Variants in KLK8 observed in about 807,000 individuals in gnomAD.
KLK8 encodes the protein kallikrein-8.
Under a neutral mutation model 26.7 loss-of-function variants are expected in KLK8, and 18 were observed. The ratio of observed to expected loss-of-function variants is 0.67; its 90% confidence interval spans 0.47 to 1.00. The LOEUF is 1.00. KLK8 is among the 50% of genes least tolerant of loss of function. The pLI, the probability that KLK8 is intolerant of heterozygous loss-of-function variation, is 0.00. For missense variants in KLK8, 301 were observed against 331.7 expected (o/e 0.91, Z 0.72); for synonymous variants, 137 against 127.1 (o/e 1.08, Z -0.52).
At position 50,998,469 on chromosome 19, in the gene KLK8, G is replaced by A. The variant is rs56203701; in HGVS notation, c.494-585C>T. 9.9e-4 allele frequency among the ~76,000 whole-genome samples: 151 copies of A among 152,308 alleles called. 1 individual carries two copies. Among genetic ancestry groups the A allele is most frequent in the African/African-American group, 2.9e-3 (121 of 41,568 alleles). On this transcript the variant is annotated intron_variant, in intron 5 of 6. Transcript: ENST00000600767. ...GACTTTGTACAGTTTGCTCATGGCT[G>A]TATATCCAGCGCCTGCAACAGCACC...
intron 6 of KLK8, among the ~76,000 whole-genome samples, chr19:50,997,545 A>G (rs536623403): frequency 6.6e-6 from 1 of 152,204 alleles, no homozygotes; most frequent in Admixed American, 6.5e-5. Flanking sequence ...CAGCAATTCA[A>G]TGCTCCTAAT....
exon 3 of KLK8, chr19:51,001,157 G>A (rs753292786): frequency 1.2e-6 from 2 of 1,613,294 alleles, no homozygotes; most frequent in Middle Eastern, 1.7e-4. Flanking sequence ...ACGAGGTCGG[G>A]GGCGTCCCAT....
At chr19:50,997,860 C>T in exon 6 of KLK8, 1 of 1,614,188 alleles carries the variant, frequency 6.2e-7, no homozygotes, top group Non-Finnish European at 8.5e-7. Flanking sequence ...TACTTCTGCA[C>T]AGTTGAGAGT....
intron 6 of KLK8, among the ~76,000 whole-genome samples, chr19:50,996,933 C>T (rs1336454676): frequency 1.5e-5 from 2 of 130,016 alleles, no homozygotes; most frequent in Non-Finnish European, 3.2e-5. Context: ...CACACACACA[C>T]ACACACCATA....
At chr19:51,000,532 G>T (rs2091213171) in exon 4 of KLK8, 1 of 1,613,928 alleles carries the variant, frequency 6.2e-7, no homozygotes, top group African/African-American at 1.3e-5. Context: ...CTGCGAATGG[G>T]GTTGGCACTC....
chr19:51,000,801 A>G lies in KLK8; in HGVS notation c.71-218T>C, dbSNP rs1236613947. 1.0e-5 allele frequency: 14 copies of G among 1,373,482 alleles called. No homozygotes were observed. The South Asian group carries it at 1.3e-4, about 13-fold the overall frequency. The allele number at this position is 1,373,482 out of a possible 1,614,324, so 85.1% of individuals were successfully genotyped here. A position where few individuals can be genotyped will look rare whatever the true frequency, so the allele number is the denominator to read the frequency against. On this transcript the variant is annotated intron_variant, in intron 3 of 6. Transcript: ENST00000600767. ...CAAGAATGCCCCCACATGCTTCCAC[A>G]TGAGTCTACAGGCCCCGAGTACTCC...
chr19:50,996,893 G>GACAC (rs368604260), intron 6 of KLK8, among the ~76,000 whole-genome samples: 2,263 of 81,238 alleles, frequency 0.028, 21 homozygotes, highest in Non-Finnish European at 0.036. Context: ...GATTCTTATG[G>GACAC]ACACACACAC....
chr19:50,996,759 G>T (rs1040449680), intron 6 of KLK8, among the ~76,000 whole-genome samples: 8 of 145,800 alleles, frequency 5.5e-5, no homozygotes, highest in Non-Finnish European at 1.2e-4. Context: ...AGTTCTCGAG[G>T]GTCCAATCCA....
chr19:50,997,799 T>A (rs766317146), exon 6 of KLK8: 2 of 1,614,078 alleles, frequency 1.2e-6, no homozygotes, highest in Admixed American at 1.7e-5. Context: ...CCATGCCATC[T>A]GTGATCTGCC....
exon 4 of KLK8, chr19:51,000,465 T>C (rs778751655): frequency 6.2e-7 from 1 of 1,613,682 alleles, no homozygotes; most frequent in Non-Finnish European, 8.5e-7. Flanking sequence ...AGTTGCCACC[T>C]ACAAGGACAC....
At chr19:51,000,350 T>C in intron 4 of KLK8, 74 bp downstream of exon 3, 2 of 1,543,492 alleles carry the variant, frequency 1.3e-6, no homozygotes. Context: ...CTCAGCTCTC[T>C]CCTTCCTGAG....
exon 3 of KLK8, chr19:51,001,162 T>C (rs2091221840): frequency 1.2e-6 from 2 of 1,612,620 alleles, no homozygotes; most frequent in Non-Finnish European, 1.7e-6. Context: ...GTCGGGGGCG[T>C]CCCATGGTGA....
At chr19:51,001,440 G>A in intron 2 of KLK8, 92 bp downstream of exon 1, 1 of 465,416 alleles carries the variant, frequency 2.1e-6, no homozygotes, top group Non-Finnish European at 3.9e-6. Context: ...GCTGGATCTC[G>A]ACAGAGAAGG....
At chr19:50,999,206 G>C (rs1039200391) in intron 5 of KLK8, 5 of 152,190 alleles carry the variant, frequency 3.3e-5, no homozygotes, top group African/African-American at 1.2e-4. Context: ...AGCTAGGACT[G>C]CTGGGTCCTG....
chr19:50,996,234 A>G lies in KLK8; in HGVS notation c.628-20T>C, dbSNP rs772674567. 1 of 1,611,934 alleles carries G rather than the reference A, an allele frequency of 6.2e-7. No homozygotes were observed. Among genetic ancestry groups the G allele is most frequent in the South Asian group, 1.1e-5 (1 of 91,000 alleles). On this transcript the variant is annotated intron_variant, in intron 6 of 6. Coordinates refer to ENST00000600767, the Ensembl canonical transcript of KLK8. ...ATCGCCCTAGACAGGGAGAATGAGA[A>G]CAGCCTTGCATCTGAGATGTCCACA...
intron 2 of KLK8, 68 bp downstream of exon 1, chr19:51,001,464 G>C (rs2091226333): frequency 4.8e-6 from 2 of 417,460 alleles, no homozygotes; most frequent in Non-Finnish European, 8.8e-6. Flanking sequence ...TCTGAGGCTG[G>C]GGTCCTGGAA....
At chr19:50,999,641 G>A (rs1399952027) in intron 5 of KLK8, among the ~76,000 whole-genome samples, 6 of 142,048 alleles carry the variant, frequency 4.2e-5, no homozygotes, top group Non-Finnish European at 9.1e-5. Context: ...AGGTGGGGGA[G>A]AAGGTGCTTA....
chr19:50,996,962 T>C (rs74873888), intron 6 of KLK8, among the ~76,000 whole-genome samples: 5,756 of 149,026 alleles, frequency 0.039, 211 homozygotes, highest in African/African-American at 0.093. Flanking sequence ...AGACCATGGC[T>C]GAAATATTTG....
At chr19:50,997,725 G>C in intron 6 of KLK8, 26 bp downstream of exon 5, 2 of 1,613,016 alleles carry the variant, frequency 1.2e-6, no homozygotes, top group Non-Finnish European at 1.7e-6. Context: ...GGATGTGTGA[G>C]GAGAAGGATT....
Sources: gnomAD v4.1 joint callset for allele counts (sites outside exome capture counted in the v4.1 genomes callset) on GRCh38, gnomAD v4.1.1 for gene constraint, MANE v1.5 for transcripts, NCBI Gene and HGNC (gene_info 2026-07-23, HGNC 2026-07-21) for gene names.